The following NPL variants were observed in gnomAD, a reference collection of about 807,000 sequenced individuals.
The protein encoded by NPL is N-acetylneuraminate pyruvate lyase, also known as N-acetylneuraminate lyase.
Under a neutral mutation model 41.1 loss-of-function variants are expected in NPL, and 32 were observed. The observed-to-expected ratio is 0.78, with a 90% confidence interval of 0.59 to 1.05. The LOEUF (loss-of-function observed/expected upper bound fraction) is 1.05, where lower values mean the gene tolerates loss of function less well. Ranked by LOEUF, NPL falls within the 50% of genes least tolerant of loss-of-function variation. The pLI is 0.00. For synonymous variants in NPL, 128 were observed against 134.9 expected (o/e 0.95, Z 0.35); for missense variants, 321 against 378.4 (o/e 0.85, Z 1.26).
Position 182,829,163 on chromosome 1 carries a change from A to G in NPL, c.*255A>G. 2 of 1,337,420 alleles carry G rather than the reference A, an allele frequency of 1.5e-6. No homozygotes were observed. The highest frequency in any genetic ancestry group is 1.9e-6 in the Non-Finnish European group (2 of 1,046,082). 82.8% of individuals were successfully genotyped at this position (1,337,420 alleles called of 1,614,324 possible). ...AGAAATTTCTGTTTATATGGATGAA[A>G]TGGAATCAAGAGGAAAATTGTAATT... On this transcript the variant is annotated 3_prime_UTR_variant, in exon 13 of 13. Coordinates refer to ENST00000367553, the MANE Select transcript of NPL (RefSeq NM_030769.3).
At chr1:182,795,269 C>A (rs6695546) in intron 3 of NPL, among the ~76,000 whole-genome samples, 14,567 of 152,196 alleles carry the variant, frequency 0.096, 1,031 homozygotes, top group African/African-American at 0.19. Flanking sequence ...CTTCTCCTTT[C>A]TTTCTATGTA....
intron 11 of NPL, among the ~76,000 whole-genome samples, chr1:182,823,287 C>G (rs781405894): frequency 6.6e-6 from 1 of 152,114 alleles, no homozygotes; most frequent in Non-Finnish European, 1.5e-5. Flanking sequence ...TCAGGGTAAT[C>G]AGAGATTACA....
At chr1:182,805,913 T>G (rs749537604) in intron 4 of NPL, among the ~76,000 whole-genome samples, 1 of 152,230 alleles carries the variant, frequency 6.6e-6, no homozygotes, top group Non-Finnish European at 1.5e-5. Flanking sequence ...ATTTCCTGAC[T>G]GTCCCTAATA....
chr1:182,823,224 T>G (rs1667537786), intron 11 of NPL, among the ~76,000 whole-genome samples: 1 of 152,172 alleles, frequency 6.6e-6, no homozygotes, highest in African/African-American at 2.4e-5. Flanking sequence ...GAGCAAATGG[T>G]TGGTCCTAAT....
At chr1:182,826,195 T>G (rs1032257471) in intron 12 of NPL, 1 of 292,202 alleles carries the variant, frequency 3.4e-6, no homozygotes, top group Non-Finnish European at 6.5e-6. Flanking sequence ...TGTGAATGAC[T>G]GACAGCTCTC....
chr1:182,795,909 CCT>C (rs899954433), intron 3 of NPL: 5 of 152,096 alleles, frequency 3.3e-5, no homozygotes, highest in Admixed American at 6.5e-5. Context: ...TAATAAGACC[CCT>C]CTTATCCTGG....
intron 12 of NPL, chr1:182,826,075 C>T: frequency 8.9e-6 from 5 of 563,598 alleles, no homozygotes; most frequent in Non-Finnish European, 1.3e-5. Flanking sequence ...AAACCATCAG[C>T]ACTCCCTCCC....
Position 182,816,820 on chromosome 1 carries a change from C to A in NPL, c.457+14C>A. ...CAGGGGTAAAGAGTAAGTACTGCTT[C>A]TGTTGATCTTTCTTTCCTTCCAACT... On this transcript the variant is annotated intron_variant, in intron 8 of 12. Transcript: ENST00000367553. 1 of 1,580,214 alleles carries A rather than the reference C, an allele frequency of 6.3e-7. No homozygotes were observed. Among genetic ancestry groups the A allele is most frequent in the Non-Finnish European group, 8.7e-7 (1 of 1,150,280 alleles).
chr1:182,802,468 T>G (rs1167640295), intron 3 of NPL, among the ~76,000 whole-genome samples: 1 of 149,224 alleles, frequency 6.7e-6, no homozygotes, highest in African/African-American at 2.5e-5. Flanking sequence ...TGCATCAGAT[T>G]TTTTTTTTTG....
At chr1:182,825,170 CTCTT>C (rs1356470838) in intron 11 of NPL, among the ~76,000 whole-genome samples, 3 of 152,200 alleles carry the variant, frequency 2.0e-5, no homozygotes, top group Non-Finnish European at 4.4e-5. Context: ...CACTGTCCCT[CTCTT>C]TATCAATACC....
chr1:182,816,795 CA>C lies in NPL; in HGVS notation c.447del (p.Val151Ter), dbSNP rs747315330. 4.6e-5 allele frequency: 74 copies of C among 1,612,140 alleles called. No homozygotes were observed. Among genetic ancestry groups the C allele is most frequent in the South Asian group, 2.5e-4 (23 of 91,066 alleles). ...TATTACTATCACATTCCTGCCTTGA[CA>C]GGGGTAAAGAGTAAGTACTGCTTCT... Reference protein sequence around the residue: ...PFYYYHIPALTGVKIRAEELL... With the variant: ...PFYYYHIPALXGVKIRAEELL... On this transcript the variant is annotated frameshift_variant, in exon 8 of 13. Coordinates refer to ENST00000367553, the MANE Select transcript of NPL (RefSeq NM_030769.3). LOFTEE classifies it high-confidence loss of function.
intron 6 of NPL, among the ~76,000 whole-genome samples, chr1:182,812,690 C>T (rs1336877757): frequency 6.6e-6 from 1 of 152,046 alleles, no homozygotes; most frequent in Non-Finnish European, 1.5e-5. Flanking sequence ...TTTGTCATAC[C>T]ACCCTTCAGC....
chr1:182,802,475 T>G (rs912679015), intron 3 of NPL, among the ~76,000 whole-genome samples: 3 of 152,200 alleles, frequency 2.0e-5, no homozygotes, highest in African/African-American at 7.2e-5. Flanking sequence ...GATTTTTTTT[T>G]TTGTTTTTGT....
intron 10 of NPL, among the ~76,000 whole-genome samples, chr1:182,820,050 TTCTC>T (rs1016950217): frequency 4.2e-4 from 64 of 152,276 alleles, no homozygotes; most frequent in African/African-American, 1.5e-3. Context: ...TTTATTTCTC[TTCTC>T]TCTCTCTGTA....
chr1:182,803,828 A>G, intron 4 of NPL, 57 bp downstream of exon 4: 4 of 1,218,808 alleles, frequency 3.3e-6, no homozygotes, highest in Non-Finnish European at 4.9e-6. Flanking sequence ...TAGAAGGTAT[A>G]TCTTACCTGG....
intron 3 of NPL, among the ~76,000 whole-genome samples, chr1:182,799,354 T>C (rs931092860): frequency 6.6e-6 from 1 of 152,248 alleles, no homozygotes; most frequent in Non-Finnish European, 1.5e-5. Context: ...AAATAGAATG[T>C]TGTTTAGCCG....
rs552858278 is a variant in NPL, at chr1:182,815,658, C to T, written c.364+800C>T. ...TTGCTCTGTTGCCCAGGCTGGAGTACAGTGGCATGATCATAGCTCACTGCA... is the reference window on the plus strand; with the variant it reads ...TTGCTCTGTTGCCCAGGCTGGAGTATAGTGGCATGATCATAGCTCACTGCA... On this transcript the variant is annotated intron_variant, in intron 7 of 12. Coordinates refer to ENST00000367553, the MANE Select transcript of NPL (RefSeq NM_030769.3). 7.9e-5 allele frequency among the ~76,000 whole-genome samples: 12 copies of T among 152,194 alleles called. No individual in the cohort carries two copies. The South Asian group carries it at 2.5e-3, about 32-fold the overall frequency.
At chr1:182,826,163 C>T (rs1291861367) in intron 12 of NPL, 2 of 352,214 alleles carry the variant, frequency 5.7e-6, no homozygotes, top group East Asian at 1.1e-4. Flanking sequence ...GGAAGGCAGT[C>T]TAAATACAGA....
At chr1:182,820,104 G>C (rs564869873) in intron 10 of NPL, among the ~76,000 whole-genome samples, 2 of 152,228 alleles carry the variant, frequency 1.3e-5, no homozygotes, top group Non-Finnish European at 2.9e-5. Flanking sequence ...CACATGGCCA[G>C]TCATGGCTGC....
Sources: allele counts gnomAD v4.1 joint callset (sites outside exome capture counted in the v4.1 genomes callset), GRCh38; gene constraint gnomAD v4.1.1; transcripts MANE v1.5; gene names NCBI Gene and HGNC (gene_info 2026-07-23, HGNC 2026-07-21).